The following PDS5B variants were observed in gnomAD, a reference collection of about 807,000 sequenced individuals.
PDS5B encodes the protein PDS5 cohesin associated factor B.
In PDS5B, 51 loss-of-function variants were observed where a neutral mutation model predicts 184.1. The observed-to-expected ratio is 0.28, with a 90% confidence interval of 0.22 to 0.35. PDS5B has a LOEUF of 0.35. Ranked by LOEUF, PDS5B falls within the 10% of genes least tolerant of loss-of-function variation. The pLI is 1.00. For missense variants in PDS5B, 1,180 were observed against 1,723.3 expected, an observed-to-expected ratio of 0.68 and a Z score of 5.58; for synonymous variants, 566 against 569.2, an observed-to-expected ratio of 0.99 and a Z score of 0.08.
intron 1 of PDS5B, among the ~76,000 whole-genome samples, chr13:32,602,953 C>T (rs2058001464): frequency 2.6e-5 from 4 of 152,058 alleles, no homozygotes; most frequent in South Asian, 2.1e-4. Context: ...TTGATTTTTT[C>T]TTGTAAATTT....
intron 1 of PDS5B, among the ~76,000 whole-genome samples, chr13:32,602,295 T>A (rs563299973): frequency 6.6e-6 from 1 of 152,280 alleles, no homozygotes; most frequent in African/African-American, 2.4e-5. Context: ...CCCCACCCTG[T>A]GTCCAAGTGT....
chr13:32,697,001 A>G (rs943704525), intron 15 of PDS5B, 99 bp downstream of exon 15: 16 of 679,756 alleles, frequency 2.4e-5, no homozygotes, highest in Non-Finnish European at 3.7e-5. Flanking sequence ...CTATGATAAT[A>G]TAGGAATTTT....
At chr13:32,683,827 A>G in intron 10 of PDS5B, 51 bp from the exon 11 acceptor site, 1 of 1,277,364 alleles carries the variant, frequency 7.8e-7, no homozygotes, top group Non-Finnish European at 1.1e-6. Flanking sequence ...CAGTGTTTTA[A>G]AAATATTTTA....
rs765458027 is a variant in PDS5B, at chr13:32,775,044, C to T, written c.4336C>T (p.Arg1446Trp). ...ACGGCGGCGAAGTGCTAAAAGGGAA[C>T]GGCGATGAACAAATGTAATTAATAA... ...NVRRRSAKRE[R>W]R Residue 1446 changes from arginine (R) to tryptophan (W), a missense_variant, in exon 35 of 35, where the codon CGG becomes TGG. Physicochemically the swap from Arg to Trp is moderately radical, Grantham distance 101 (BLOSUM62 -3). Coordinates refer to ENST00000315596, the MANE Select transcript of PDS5B (RefSeq NM_015032.4). 9.3e-6 allele frequency: 15 copies of T among 1,606,558 alleles called. No homozygotes were observed. Among genetic ancestry groups the T allele is most frequent in the Non-Finnish European group, 1.2e-5 (14 of 1,176,226 alleles).
At chr13:32,590,878 A>G (rs139592068) in intron 1 of PDS5B, among the ~76,000 whole-genome samples, 2 of 151,850 alleles carry the variant, frequency 1.3e-5, no homozygotes, top group African/African-American at 4.8e-5. Context: ...CAGGGGTGAG[A>G]GTTGCAGGCC....
At chr13:32,691,274 G>A (rs1951541885) in intron 13 of PDS5B, 1 of 151,848 alleles carries the variant, frequency 6.6e-6, no homozygotes, top group African/African-American at 2.4e-5. Context: ...ATACAGTGTT[G>A]TGTGTCTTTT....
intron 34 of PDS5B, among the ~76,000 whole-genome samples, chr13:32,774,448 A>C (rs1954892701): frequency 6.6e-6 from 1 of 152,376 alleles, no homozygotes; most frequent in Admixed American, 6.5e-5. Flanking sequence ...TGATGTCTTC[A>C]TCAGAGAAAA....
chr13:32,647,585 A>T (rs563450598), intron 1 of PDS5B, among the ~76,000 whole-genome samples: 5 of 152,272 alleles, frequency 3.3e-5, no homozygotes, highest in African/African-American at 1.2e-4. Flanking sequence ...CTGGCCTTTA[A>T]TGGTTTTTCG....
chr13:32,691,185 A>G (rs916927792), intron 13 of PDS5B: 1 of 151,974 alleles, frequency 6.6e-6, no homozygotes, highest in Admixed American at 6.6e-5. Flanking sequence ...ATATACATGT[A>G]TATGTATGTG....
chr13:32,698,693 A>C (rs1404989620), intron 15 of PDS5B, among the ~76,000 whole-genome samples: 2 of 152,148 alleles, frequency 1.3e-5, no homozygotes, highest in African/African-American at 4.8e-5. Flanking sequence ...GACTACATTT[A>C]CTATGTTCAT....
intron 20 of PDS5B, 69 bp downstream of exon 20, chr13:32,732,293 T>A: frequency 8.9e-7 from 1 of 1,123,680 alleles, no homozygotes. Flanking sequence ...GATGATTTTA[T>A]GGAATGTTCA....
At chr13:32,714,271 C>G (rs9596113) in intron 19 of PDS5B, among the ~76,000 whole-genome samples, 2 of 151,548 alleles carry the variant, frequency 1.3e-5, no homozygotes. Context: ...CAGGAGACAG[C>G]GTTTTGAGAT....
At chr13:32,608,883 A>C (rs865889551) in intron 1 of PDS5B, among the ~76,000 whole-genome samples, 1 of 152,212 alleles carries the variant, frequency 6.6e-6, no homozygotes, top group Non-Finnish European at 1.5e-5. Context: ...GAAAGTGGCA[A>C]TGCTTATCTT....
intron 1 of PDS5B, among the ~76,000 whole-genome samples, chr13:32,601,331 G>A (rs1012186496): frequency 2.0e-5 from 3 of 152,144 alleles, no homozygotes; most frequent in African/African-American, 4.8e-5. Flanking sequence ...TTTAAACTGG[G>A]CGTTAAACAC....
intron 17 of PDS5B, 83 bp downstream of exon 17, chr13:32,701,521 A>G (rs956783351): frequency 2.2e-5 from 17 of 763,602 alleles, no homozygotes; most frequent in African/African-American, 1.9e-4. Context: ...AGTGCCTGCT[A>G]TATCTAGCTA....
At position 32,643,082 on chromosome 13, in the gene PDS5B, C is replaced by A. The variant is rs1950139103; in HGVS notation, c.-19-5672C>A. Among the ~76,000 whole-genome samples, 3 of 152,098 alleles carry A rather than the reference C, an allele frequency of 2.0e-5. No homozygotes were observed. In the South Asian group the frequency reaches 6.2e-4, roughly 32 times the overall value. On this transcript the variant is annotated intron_variant, in intron 1 of 34. Transcript: ENST00000315596. ...ACATTGTATAGCTGTGGTCTGTGGC[C>A]ATATTCATGTATTTGTTTTTATGAA...
intron 1 of PDS5B, among the ~76,000 whole-genome samples, chr13:32,588,393 A>C (rs2140452703): frequency 6.6e-6 from 1 of 152,338 alleles, no homozygotes; most frequent in South Asian, 2.1e-4. Flanking sequence ...ATACATTTAC[A>C]AATATGTCTA....
chr13:32,634,676 A>G (rs1485101385), intron 1 of PDS5B, among the ~76,000 whole-genome samples: 2 of 150,654 alleles, frequency 1.3e-5, no homozygotes, highest in Admixed American at 1.3e-4. Flanking sequence ...CTCCACCTCC[A>G]GGGTTCAAGC....
chr13:32,767,566 A>G (rs907532541), intron 31 of PDS5B, among the ~76,000 whole-genome samples: 4 of 152,208 alleles, frequency 2.6e-5, no homozygotes, highest in Non-Finnish European at 5.9e-5. Context: ...CTTCATCACA[A>G]GAACCAGTGC....
Sources: gnomAD v4.1 joint callset for allele counts (sites outside exome capture counted in the v4.1 genomes callset) on GRCh38, gnomAD v4.1.1 for gene constraint, MANE v1.5 for transcripts, NCBI Gene and HGNC (gene_info 2026-07-23, HGNC 2026-07-21) for gene names.